The following KCNN2 variants were observed in gnomAD, a reference collection of about 807,000 sequenced individuals.
KCNN2 encodes potassium calcium-activated channel subfamily N member 2.
A neutral mutation model predicts 55.5 loss-of-function variants in KCNN2; 24 were observed. That is an observed-to-expected ratio of 0.43 (90% CI 0.31 to 0.61). KCNN2 has a LOEUF of 0.61. KCNN2 is among the 20% of genes least tolerant of loss of function. The probability of loss-of-function intolerance (pLI) is 0.08; values close to 1 mark genes in which losing one functional copy is unlikely to be tolerated. For missense variants in KCNN2, 754 were observed against 853.6 expected, an observed-to-expected ratio of 0.88 and a Z score of 1.45; for synonymous variants, 431 against 336.1, an observed-to-expected ratio of 1.28 and a Z score of -3.09.
chr5:114,187,179 T>C (rs2112558959), intron 1 of KCNN2, among the ~76,000 whole-genome samples: 1 of 152,300 alleles, frequency 6.6e-6, no homozygotes, highest in East Asian at 1.9e-4. Flanking sequence ...GACAGATTTG[T>C]TATTTGTTAC....
chr5:114,267,721 C>G (rs1291347972), intron 2 of KCNN2, among the ~76,000 whole-genome samples: 1 of 151,886 alleles, frequency 6.6e-6, no homozygotes, highest in Non-Finnish European at 1.5e-5. Context: ...TATAATAATC[C>G]CTGAATGGTG....
At chr5:114,197,155 G>A (rs529516368) in intron 1 of KCNN2, among the ~76,000 whole-genome samples, 100 of 151,956 alleles carry the variant, frequency 6.6e-4, no homozygotes, top group Non-Finnish European at 1.2e-3. Context: ...TCCTTCAGTC[G>A]TTAATACCTA....
At chr5:114,107,080 G>A (rs1751503231) in intron 1 of KCNN2, among the ~76,000 whole-genome samples, 1 of 151,938 alleles carries the variant, frequency 6.6e-6, no homozygotes, top group Non-Finnish European at 1.5e-5. Context: ...AAGTCTAAGG[G>A]TCAAGGTTTT....
chr5:114,425,849 G>A (rs1474665952), intron 3 of KCNN2, among the ~76,000 whole-genome samples: 1 of 151,912 alleles, frequency 6.6e-6, no homozygotes, highest in Non-Finnish European at 1.5e-5. Context: ...TGTTCCCATG[G>A]TCAGGTCCCC....
intron 3 of KCNN2, chr5:114,433,658 A>C (rs1307528012): frequency 1.3e-5 from 2 of 152,398 alleles, no homozygotes; most frequent in Non-Finnish European, 2.9e-5. Context: ...TTCACTCCTG[A>C]AGCCAGCGAG....
At chr5:114,114,945 A>G (rs541527432) in intron 1 of KCNN2, among the ~76,000 whole-genome samples, 28 of 152,280 alleles carry the variant, frequency 1.8e-4, no homozygotes, top group African/African-American at 6.0e-4. Flanking sequence ...TTGCTAAACT[A>G]TGTCATGGAA....
upstream of KCNN2, among the ~76,000 whole-genome samples, chr5:114,357,928 T>C (rs1013672652): frequency 1.1e-4 from 16 of 150,676 alleles, no homozygotes; most frequent in Non-Finnish European, 2.4e-4. Flanking sequence ...AGTGTAAAAG[T>C]GTTCCTATTT....
intron 1 of KCNN2, among the ~76,000 whole-genome samples, chr5:114,199,618 T>C (rs1233301387): frequency 6.6e-6 from 1 of 150,646 alleles, no homozygotes; most frequent in East Asian, 1.9e-4. Context: ...TTATATTTTT[T>C]TTTATGTGGC....
At chr5:114,169,240 C>T (rs528155547) in intron 1 of KCNN2, among the ~76,000 whole-genome samples, 1 of 152,130 alleles carries the variant, frequency 6.6e-6, no homozygotes, top group African/African-American at 2.4e-5. Flanking sequence ...TTGGAATGGA[C>T]TAGTAAAAGA....
intron 2 of KCNN2, among the ~76,000 whole-genome samples, chr5:114,345,955 A>AT (rs1164911674): frequency 1.3e-5 from 2 of 151,694 alleles, no homozygotes; most frequent in African/African-American, 4.8e-5. Flanking sequence ...TAATTTTTGT[A>AT]TTTTTTTAGT....
At position 114,363,915 on chromosome 5, in the gene KCNN2, T is replaced by C. The variant is rs1757527551; in HGVS notation, c.1132T>C (p.Tyr378His). 1 of 1,613,658 alleles carries C rather than the reference T, an allele frequency of 6.2e-7. No homozygotes were observed. The highest frequency in any genetic ancestry group is 8.5e-7 in the Non-Finnish European group (1 of 1,179,570). ...SWGAYDKASL[Y>H]SLALKCLISL... is the part of the protein sequence containing the mutation. ...TCTGACTGTGTTGCAGGCGTCGCTG[T>C]ATTCCTTAGCTCTGAAATGCCTTAT... Residue 378 changes from tyrosine to histidine, a missense_variant, in exon 2 of 8, where the codon TAT becomes CAT. Tyr to His is a moderately conservative substitution (Grantham distance 83, BLOSUM62 2). This residue lies in a region of KCNN2 where 123 missense variants were observed against 204.9 expected (regional missense o/e 0.60). Transcript: ENST00000673685.
intron 2 of KCNN2, among the ~76,000 whole-genome samples, chr5:114,337,206 A>G (rs2150035198): frequency 6.6e-6 from 1 of 152,248 alleles, no homozygotes; most frequent in African/African-American, 2.4e-5. Flanking sequence ...GAAATATTGG[A>G]TATGATGGGT....
chr5:114,261,436 A>G (rs1755106289), intron 2 of KCNN2, among the ~76,000 whole-genome samples: 1 of 152,144 alleles, frequency 6.6e-6, no homozygotes, highest in African/African-American at 2.4e-5. Context: ...ATTCAGTGAG[A>G]AGGAAGGCTG....
At chr5:114,244,253 A>G (rs1323235673) in intron 2 of KCNN2, among the ~76,000 whole-genome samples, 1 of 152,070 alleles carries the variant, frequency 6.6e-6, no homozygotes, top group Non-Finnish European at 1.5e-5. Flanking sequence ...GACTCCTAAG[A>G]GTAGCAAGAG....
intron 1 of KCNN2, among the ~76,000 whole-genome samples, chr5:114,123,920 T>TCAGTTAC (rs1344478611): frequency 1.3e-5 from 2 of 152,226 alleles, no homozygotes; most frequent in African/African-American, 4.8e-5. Context: ...CCAGGTCTTG[T>TCAGTTAC]CAGTTACACA....
chr5:114,402,563 CG>C (rs2150070025), intron 2 of KCNN2, among the ~76,000 whole-genome samples: 1 of 151,646 alleles, frequency 6.6e-6, no homozygotes, highest in African/African-American at 2.4e-5. Context: ...GCAAAAGGGA[CG>C]GGAAATAAGG....
At chr5:114,331,276 G>A (rs991975975) in intron 2 of KCNN2, among the ~76,000 whole-genome samples, 3 of 152,158 alleles carry the variant, frequency 2.0e-5, no homozygotes, top group African/African-American at 7.2e-5. Flanking sequence ...GTGTGGAGAC[G>A]TGAGAAGAGA....
At chr5:114,120,640 T>C (rs1313293984) in intron 1 of KCNN2, among the ~76,000 whole-genome samples, 1 of 152,150 alleles carries the variant, frequency 6.6e-6, no homozygotes, top group Non-Finnish European at 1.5e-5. Flanking sequence ...AATTTATACT[T>C]TGGGAACCTG....
At chr5:114,490,746 T>C (rs1358290151) in intron 6 of KCNN2, 6 of 398,096 alleles carry the variant, frequency 1.5e-5, no homozygotes, top group Non-Finnish European at 2.7e-5. Context: ...AATTTTCTAC[T>C]GGCTGCATGC....
Sources: gnomAD v4.1 joint callset for allele counts (sites outside exome capture counted in the v4.1 genomes callset) on GRCh38, gnomAD v4.1.1 for gene constraint, gnomAD v4.1.1 regional missense constraint, MANE v1.5 for transcripts, NCBI Gene and HGNC (gene_info 2026-07-23, HGNC 2026-07-21) for gene names.